The following COL23A1 variants were observed in gnomAD, a reference collection of about 807,000 sequenced individuals.
COL23A1 encodes collagen alpha-1(XXIII) chain.
Under a neutral mutation model 99.3 loss-of-function variants are expected in COL23A1, and 97 were observed. That is an observed-to-expected ratio of 0.98 (90% CI 0.83 to 1.16). The LOEUF (loss-of-function observed/expected upper bound fraction) is 1.16, where lower values mean the gene tolerates loss of function less well. Among genes scored for constraint, COL23A1 ranks in the 50% most tolerant of loss-of-function variants. The pLI is 0.00. For missense variants in COL23A1, 762 were observed against 757.4 expected (o/e 1.01, Z -0.07); for synonymous variants, 320 against 308.2 (o/e 1.04, Z -0.40).
chr5:178,544,734 C>T lies in COL23A1; in HGVS notation c.361+15948G>A, dbSNP rs1287392215. Among the ~76,000 whole-genome samples the T allele has an allele frequency of 6.6e-6, 1 of 152,162 alleles. No individual in the cohort carries two copies. The highest frequency in any genetic ancestry group is 2.4e-5 in the African/African-American group (1 of 41,442). On this transcript the variant is annotated intron_variant, in intron 2 of 28. Coordinates refer to ENST00000390654, the MANE Select transcript of COL23A1 (RefSeq NM_173465.4). This position sits in a 1 kb window ranked among gnomAD's most constrained non-coding sequence, Gnocchi z 4.4. ...AGCTCAGAGGCACTGTGGGCTCAGCCTCCAGGTCACCTGCTGCCCCCGTGC... is the reference window on the plus strand; with the variant it reads ...AGCTCAGAGGCACTGTGGGCTCAGCTTCCAGGTCACCTGCTGCCCCCGTGC...
At chr5:178,489,308 G>A (rs1316118533) in intron 2 of COL23A1, among the ~76,000 whole-genome samples, 1 of 152,196 alleles carries the variant, frequency 6.6e-6, no homozygotes, top group African/African-American at 2.4e-5. Flanking sequence ...AGGTCCTTCT[G>A]CCTTTGGACT....
At chr5:178,408,156 G>A (rs906210504) in intron 2 of COL23A1, among the ~76,000 whole-genome samples, 1 of 152,164 alleles carries the variant, frequency 6.6e-6, no homozygotes, top group Non-Finnish European at 1.5e-5. Context: ...AACCACGGAG[G>A]CCAGAAGGAA....
chr5:178,385,653 G>A (rs1438826756), intron 2 of COL23A1, among the ~76,000 whole-genome samples: 1 of 152,184 alleles, frequency 6.6e-6, no homozygotes, highest in Non-Finnish European at 1.5e-5. Context: ...CTGGCTGTCT[G>A]AGGACGTTAA....
At chr5:178,487,288 T>TTTTTTTTTTTTTA (rs773272887) in intron 2 of COL23A1, among the ~76,000 whole-genome samples, 4 of 116,460 alleles carry the variant, frequency 3.4e-5, no homozygotes, top group Admixed American at 8.3e-5. Flanking sequence ...CCAGCCTCAG[T>TTTTTTTTTTTTTA]TTTATTTATT....
At chr5:178,554,290 T>C (rs902345024) in intron 2 of COL23A1, among the ~76,000 whole-genome samples, 1 of 152,166 alleles carries the variant, frequency 6.6e-6, no homozygotes, top group African/African-American at 2.4e-5. Flanking sequence ...GCAATCCTCC[T>C]GCCTCAGCCT....
At chr5:178,240,520 C>G (rs1295285219) in intron 27 of COL23A1, among the ~76,000 whole-genome samples, 1 of 152,230 alleles carries the variant, frequency 6.6e-6, no homozygotes, top group Non-Finnish European at 1.5e-5. Context: ...CCTCTCCGGC[C>G]TCCGCACGTG....
chr5:178,331,204 G>A (rs1759999420), intron 2 of COL23A1, among the ~76,000 whole-genome samples: 1 of 152,250 alleles, frequency 6.6e-6, no homozygotes, highest in Non-Finnish European at 1.5e-5. Flanking sequence ...ACTGGCTTGG[G>A]CGGCTTGTGG....
At chr5:178,561,637 T>C (rs992490581) in intron 1 of COL23A1, among the ~76,000 whole-genome samples, 2 of 152,014 alleles carry the variant, frequency 1.3e-5, no homozygotes, top group African/African-American at 4.8e-5. Flanking sequence ...TAGCCAGAAC[T>C]TGAGTCCCAA....
chr5:178,301,193 G>A (rs1476484044), intron 3 of COL23A1, among the ~76,000 whole-genome samples: 3 of 151,852 alleles, frequency 2.0e-5, no homozygotes, highest in African/African-American at 7.3e-5. Context: ...TTCTTCTGTC[G>A]GCCCAAATCT....
intron 2 of COL23A1, among the ~76,000 whole-genome samples, chr5:178,398,937 G>A (rs944485410): frequency 2.6e-5 from 4 of 152,202 alleles, no homozygotes; most frequent in African/African-American, 7.2e-5. Flanking sequence ...CCCACCAGGC[G>A]CTGGTAAACA....
Position 178,280,712 on chromosome 5 carries a change from T to C in COL23A1, c.441+7612A>G, listed in dbSNP as rs1011417163. 3.3e-5 allele frequency among the ~76,000 whole-genome samples: 5 copies of C among 152,040 alleles called. No homozygotes were observed. The highest frequency in any genetic ancestry group is 7.2e-5 in the African/African-American group (3 of 41,390). ...CCAGCCAGTGACCACGCTGCAAACA[T>C]ATCACAGGCAAAACAGCAAAGCGCA... On this transcript the variant is annotated intron_variant, in intron 5 of 28. Transcript: ENST00000390654. The surrounding 1 kb of genome is among the most constrained non-coding windows in gnomAD (Gnocchi z 4.9).
rs541555698 is a variant in COL23A1 at position 178,335,119 on chromosome 5, A to G, written c.362-28200T>C. ...CCACAGACCAAACACAGTAACGGGA[A>G]GTTGAGGAGGGCCTGCCCTGGTGCG... On this transcript the variant is annotated intron_variant, in intron 2 of 28. Transcript: ENST00000390654. Among the ~76,000 whole-genome samples the G allele has an allele frequency of 3.1e-4, 47 of 152,340 alleles. 1 individual carries two copies. The highest frequency in any genetic ancestry group is 8.4e-4 in the African/African-American group (35 of 41,580).
chr5:178,481,072 C>T (rs1366644185), intron 2 of COL23A1, among the ~76,000 whole-genome samples: 9 of 142,952 alleles, frequency 6.3e-5, no homozygotes, highest in East Asian at 2.1e-4. Flanking sequence ...TGCTTGAACC[C>T]GGGAGGCGGA....
intron 2 of COL23A1, among the ~76,000 whole-genome samples, chr5:178,446,070 A>T (rs548255436): frequency 6.6e-6 from 1 of 152,010 alleles, no homozygotes; most frequent in Non-Finnish European, 1.5e-5. Flanking sequence ...AAACAAGAAA[A>T]TTTTTTTAAT....
rs143707193 is a variant in COL23A1 at position 178,528,577 on chromosome 5, G to A, written c.361+32105C>T. On this transcript the variant is annotated intron_variant, in intron 2 of 28. Coordinates refer to ENST00000390654, the MANE Select transcript of COL23A1 (RefSeq NM_173465.4). ...GCCTGTAATCCCAGCACTTTGGGAG[G>A]CCGAGGCGGGTGGGTCACAAGGTCA... Among the ~76,000 whole-genome samples the A allele has an allele frequency of 1.4e-3, 220 of 152,340 alleles. 1 individual carries two copies. Among genetic ancestry groups the A allele is most frequent in the African/African-American group, 5.1e-3 (210 of 41,570 alleles).
At chr5:178,582,452 G>A (rs534926870) in intron 1 of COL23A1, among the ~76,000 whole-genome samples, 5 of 152,246 alleles carry the variant, frequency 3.3e-5, no homozygotes, top group African/African-American at 4.8e-5. Context: ...GAATTATTTC[G>A]AGAGAAGGGA....
intron 5 of COL23A1, among the ~76,000 whole-genome samples, chr5:178,283,720 T>A (rs908808391): frequency 6.6e-6 from 1 of 152,088 alleles, no homozygotes; most frequent in Non-Finnish European, 1.5e-5. Context: ...GATGAGAAAG[T>A]CTAATGTTTT....
At chr5:178,260,877 C>T (rs1765588795) in intron 11 of COL23A1, among the ~76,000 whole-genome samples, 1 of 152,164 alleles carries the variant, frequency 6.6e-6, no homozygotes, top group African/African-American at 2.4e-5. Flanking sequence ...ATGTTTAGGG[C>T]AGGGTAAATA....
intron 2 of COL23A1, among the ~76,000 whole-genome samples, chr5:178,484,297 T>C (rs1757493671): frequency 6.6e-6 from 1 of 152,226 alleles, no homozygotes; most frequent in Admixed American, 6.5e-5. Context: ...TATTAAAAAT[T>C]AAGCAAGGCA....
Sources: gnomAD v4.1 joint callset for allele counts (sites outside exome capture counted in the v4.1 genomes callset) on GRCh38, gnomAD v4.1.1 for gene constraint, Gnocchi (gnomAD v3.1) non-coding constraint, MANE v1.5 for transcripts, NCBI Gene and HGNC (gene_info 2026-07-23, HGNC 2026-07-21) for gene names.